Variants in GRIA1 observed in about 807,000 individuals in gnomAD.
The protein encoded by GRIA1 is glutamate ionotropic receptor AMPA type subunit 1.
In GRIA1, 31 loss-of-function variants were observed where a neutral mutation model predicts 99.2. The observed-to-expected ratio is 0.31, with a 90% CI of 0.23 to 0.42. GRIA1 has a LOEUF of 0.42. Among genes scored for constraint, GRIA1 ranks in the 10% least tolerant of loss-of-function variants. GRIA1 has a pLI of 1.00. For missense variants in GRIA1, 782 were observed against 1,157.5 expected (o/e 0.68, Z 4.71); for synonymous variants, 438 against 432.4 (o/e 1.01, Z -0.16).
At chr5:153,809,526 CTCTG>C (rs1248636550) in intron 15 of GRIA1, among the ~76,000 whole-genome samples, 2 of 152,224 alleles carry the variant, frequency 1.3e-5, no homozygotes, top group Non-Finnish European at 2.9e-5. Context: ...CCCTGTTTAT[CTCTG>C]TCTGGCCACA....
chr5:153,693,149 G>A (rs1419117509), intron 8 of GRIA1, among the ~76,000 whole-genome samples: 1 of 152,026 alleles, frequency 6.6e-6, no homozygotes, highest in East Asian at 1.9e-4. Flanking sequence ...TGTCTACTTG[G>A]GTCTTTCTGG....
At chr5:153,701,887 G>A (rs1023393758) in intron 10 of GRIA1, among the ~76,000 whole-genome samples, 14 of 151,968 alleles carry the variant, frequency 9.2e-5, no homozygotes, top group Admixed American at 3.9e-4. Flanking sequence ...CTCTTTTTCC[G>A]TCAATAATGA....
rs1037419958 is a variant in GRIA1, at chr5:153,506,217, T to C, written c.220+12152T>C. Among the ~76,000 whole-genome samples, 16 of 152,194 alleles carry C rather than the reference T, an allele frequency of 1.1e-4. No individual in the cohort carries two copies. The East Asian group carries it at 1.2e-3, about 11-fold the overall frequency. On this transcript the variant is annotated intron_variant, in intron 2 of 15. Coordinates refer to ENST00000285900, the MANE Select transcript of GRIA1 (RefSeq NM_000827.4). ...ATAGCAAGGCAGAGAGGGGGAGGTA[T>C]GCTAGGGCATTCCTAACCATGAGGT...
intron 2 of GRIA1, among the ~76,000 whole-genome samples, chr5:153,574,876 A>G (rs1762401105): frequency 6.6e-6 from 1 of 152,132 alleles, no homozygotes; most frequent in South Asian, 2.1e-4. Context: ...GGCATACTCT[A>G]GATAATCCCT....
intron 8 of GRIA1, among the ~76,000 whole-genome samples, chr5:153,692,920 TAATAA>T (rs1233563613): frequency 6.6e-6 from 1 of 152,180 alleles, no homozygotes; most frequent in African/African-American, 2.4e-5. Flanking sequence ...CCTGCAAATT[TAATAA>T]AATAACACCT....
At chr5:153,681,553 G>A (rs1334679026) in intron 7 of GRIA1, among the ~76,000 whole-genome samples, 1 of 152,158 alleles carries the variant, frequency 6.6e-6, no homozygotes, top group East Asian at 1.9e-4. Flanking sequence ...TGTCACATTG[G>A]CCTGTTAAGG....
intron 2 of GRIA1, among the ~76,000 whole-genome samples, chr5:153,494,703 G>A (rs1349930749): frequency 2.6e-5 from 4 of 152,194 alleles, no homozygotes. Context: ...TGAATTGAAT[G>A]CATTGTAAAA....
chr5:153,806,983 C>G (rs765335783), intron 15 of GRIA1, among the ~76,000 whole-genome samples: 1 of 152,218 alleles, frequency 6.6e-6, no homozygotes, highest in Non-Finnish European at 1.5e-5. Flanking sequence ...TCTCTCTGTC[C>G]TCCTTCAACC....
chr5:153,699,179 T>G (rs1758330668), intron 10 of GRIA1, 106 bp downstream of exon 10: 1 of 761,350 alleles, frequency 1.3e-6, no homozygotes, highest in African/African-American at 1.7e-5. Context: ...TGAAACCCTG[T>G]AATTGAGTGT....
At chr5:153,608,727 G>T (rs542505618) in intron 2 of GRIA1, among the ~76,000 whole-genome samples, 2 of 152,014 alleles carry the variant, frequency 1.3e-5, no homozygotes, top group East Asian at 3.9e-4. Context: ...AGCCCCTGTG[G>T]GTCTATTCCT....
chr5:153,779,921 G>A (rs1764524305), intron 13 of GRIA1, among the ~76,000 whole-genome samples: 1 of 152,102 alleles, frequency 6.6e-6, no homozygotes. Flanking sequence ...ACACATTAAA[G>A]AGAGAGAGGA....
chr5:153,561,708 T>TATTTATCAGAATGC (rs1389114586), intron 2 of GRIA1, among the ~76,000 whole-genome samples: 1 of 152,172 alleles, frequency 6.6e-6, no homozygotes, highest in Admixed American at 6.6e-5. Context: ...ACATTATAAG[T>TATTTATCAGAATGC]CTCAGTATAG....
At chr5:153,497,735 C>A (rs1411966836) in intron 2 of GRIA1, among the ~76,000 whole-genome samples, 1 of 152,104 alleles carries the variant, frequency 6.6e-6, no homozygotes, top group African/African-American at 2.4e-5. Flanking sequence ...GTCTTCCATC[C>A]CTTTAGTAAG....
intron 10 of GRIA1, 53 bp downstream of exon 10, chr5:153,699,126 G>A: frequency 7.6e-7 from 1 of 1,321,088 alleles, no homozygotes; most frequent in Non-Finnish European, 1.1e-6. Flanking sequence ...GGGTTTGACA[G>A]GAAATCATTT....
At chr5:153,527,211 A>G (rs1272445301) in intron 2 of GRIA1, among the ~76,000 whole-genome samples, 2 of 152,186 alleles carry the variant, frequency 1.3e-5, no homozygotes, top group Non-Finnish European at 2.9e-5. Flanking sequence ...AAAATTTCCA[A>G]TAGCTAAATT....
rs1243087742 is a variant in GRIA1 at position 153,699,023 on chromosome 5, G to A, written c.1402G>A (p.Asp468Asn). The A allele has an allele frequency of 6.2e-7, 1 of 1,613,976 alleles. No individual in the cohort carries two copies. Among genetic ancestry groups the A allele is most frequent in the Non-Finnish European group, 8.5e-7 (1 of 1,179,992 alleles). ...IVSDGKYGAR[D>N]PDTKAWNGMV... The stretch of plus-strand genomic sequence containing the variant: ...CAGTGATGGAAAATACGGAGCCCGA[G>A]ACCCTGACACGAAGGCCTGGAATGG... Residue 468 changes from aspartate (D) to asparagine (N), a missense_variant, in exon 10 of 16, where the codon GAC (aspartate) becomes AAC (asparagine). Asp to Asn is a conservative substitution (Grantham distance 23). Coordinates refer to ENST00000285900, the MANE Select transcript of GRIA1 (RefSeq NM_000827.4).
intron 2 of GRIA1, among the ~76,000 whole-genome samples, chr5:153,519,832 T>C (rs1260347472): frequency 2.0e-5 from 3 of 152,220 alleles, no homozygotes; most frequent in Non-Finnish European, 4.4e-5. Flanking sequence ...ACCATACATT[T>C]TGATTACATT....
At chr5:153,650,276 G>A (rs1481490361) in intron 3 of GRIA1, 54 bp from the exon 4 acceptor site, 2 of 1,512,286 alleles carry the variant, frequency 1.3e-6, no homozygotes, top group East Asian at 4.5e-5. Flanking sequence ...GGAGTGGGTG[G>A]TGCCCACAAA....
At chr5:153,598,969 C>T (rs1304503000) in intron 2 of GRIA1, among the ~76,000 whole-genome samples, 1 of 152,168 alleles carries the variant, frequency 6.6e-6, no homozygotes, top group Non-Finnish European at 1.5e-5. Flanking sequence ...GCAAGCTCCA[C>T]CTCCCAGGTT....
Sources: gnomAD v4.1 joint callset for allele counts (sites outside exome capture counted in the v4.1 genomes callset) on GRCh38, gnomAD v4.1.1 for gene constraint, MANE v1.5 for transcripts, NCBI Gene and HGNC (gene_info 2026-07-23, HGNC 2026-07-21) for gene names.